SETBP1: variants seen among roughly 807,000 people sequenced by gnomAD.
SETBP1 encodes the protein SET binding protein 1, also known as SET-binding protein.
In SETBP1, 9 loss-of-function variants were observed where a neutral mutation model predicts 101.0. That is an observed-to-expected ratio of 0.09 (90% CI 0.05 to 0.16). The LOEUF is 0.16. Among genes scored for constraint, SETBP1 ranks in the 10% least tolerant of loss-of-function variants. The pLI, the probability that SETBP1 is intolerant of heterozygous loss-of-function variation, is 1.00. For synonymous variants in SETBP1, 818 were observed against 788.5 expected, an observed-to-expected ratio of 1.04 and a Z score of -0.63; for missense variants, 1,858 against 2,033.8, an observed-to-expected ratio of 0.91 and a Z score of 1.66.
intron 4 of SETBP1, among the ~76,000 whole-genome samples, chr18:44,992,137 T>A (rs1434408484): frequency 6.6e-6 from 1 of 151,988 alleles, no homozygotes; most frequent in African/African-American, 2.4e-5. Context: ...GTTTAAAGAT[T>A]TACATTAGGA....
At chr18:44,959,907 G>A (rs1364380046) in intron 4 of SETBP1, among the ~76,000 whole-genome samples, 1 of 152,128 alleles carries the variant, frequency 6.6e-6, no homozygotes, top group East Asian at 1.9e-4. Context: ...AGCATGCATA[G>A]TGCAGTTTTT....
intron 2 of SETBP1, among the ~76,000 whole-genome samples, chr18:44,776,222 T>G (rs929632165): frequency 6.6e-6 from 1 of 151,930 alleles, no homozygotes. Context: ...GGTATTTTCT[T>G]CCCCCCACCT....
In SETBP1 at chr18:44,950,171, G is replaced by A. The variant is rs1002734293; in HGVS notation, c.831G>A (p.Leu277=). The A allele has an allele frequency of 3.7e-6, 6 of 1,613,764 alleles. No homozygotes were observed. The highest frequency in any genetic ancestry group is 5.1e-6 in the Non-Finnish European group (6 of 1,180,056). ...GTGCAGGGAACACGTGGAGTCAGTT[G>A]TCTAACAATAACAAAGATCTGCTCT... The part of the protein sequence containing the change: ...KGSAGNTWSQ[L]SNNNKDLLLG... Residue 277 remains leucine, a synonymous_variant, in exon 4 of 6, where the codon TTG becomes TTA. Coordinates refer to ENST00000649279, the MANE Select transcript of SETBP1 (RefSeq NM_015559.3).
chr18:44,809,966 C>T (rs2071826702), intron 2 of SETBP1, among the ~76,000 whole-genome samples: 1 of 152,196 alleles, frequency 6.6e-6, no homozygotes, highest in Non-Finnish European at 1.5e-5. Flanking sequence ...ATCCCATCTG[C>T]CCTGCAAAAG....
chr18:45,046,636 A>G (rs138119097), intron 5 of SETBP1, among the ~76,000 whole-genome samples: 90 of 152,346 alleles, frequency 5.9e-4, no homozygotes, highest in African/African-American at 2.1e-3. Context: ...ATTCAATGGA[A>G]AACGGGAGAG....
chr18:44,940,922 C>T (rs377050962), intron 3 of SETBP1, among the ~76,000 whole-genome samples: 30 of 151,992 alleles, frequency 2.0e-4, no homozygotes, highest in African/African-American at 6.8e-4. Flanking sequence ...TGAATTCCCT[C>T]GGTTTTTATT....
At chr18:44,976,689 C>G (rs2071995924) in intron 4 of SETBP1, among the ~76,000 whole-genome samples, 1 of 152,210 alleles carries the variant, frequency 6.6e-6, no homozygotes, top group Admixed American at 6.5e-5. Flanking sequence ...GATCCCAGCT[C>G]TGTCACTCAC....
At chr18:44,933,684 C>T (rs12956872) in intron 3 of SETBP1, among the ~76,000 whole-genome samples, 1 of 152,212 alleles carries the variant, frequency 6.6e-6, no homozygotes, top group African/African-American at 2.4e-5. Context: ...TGCAGCCTTG[C>T]AGTTTGATCT....
intron 2 of SETBP1, among the ~76,000 whole-genome samples, chr18:44,829,241 TG>T (rs1477399228): frequency 1.9e-4 from 29 of 152,332 alleles, no homozygotes; most frequent in Middle Eastern, 3.4e-3. Flanking sequence ...ACTTGGTTGT[TG>T]GTGTACCTTC....
At chr18:44,850,305 A>G (rs2072822775) in intron 2 of SETBP1, among the ~76,000 whole-genome samples, 2 of 152,182 alleles carry the variant, frequency 1.3e-5, no homozygotes, top group African/African-American at 4.8e-5. Context: ...CCCACCCAGC[A>G]TTGACATGCA....
At chr18:45,038,340 T>A in intron 4 of SETBP1, 145 bp from the exon 5 acceptor site, 1 of 819,042 alleles carries the variant, frequency 1.2e-6, no homozygotes, top group East Asian at 2.6e-5. Flanking sequence ...TTTTCTCTTT[T>A]AGCATTTTTA....
intron 2 of SETBP1, among the ~76,000 whole-genome samples, chr18:44,854,344 T>C (rs2072931120): frequency 6.6e-6 from 1 of 152,192 alleles, no homozygotes; most frequent in Admixed American, 6.5e-5. Flanking sequence ...TTTACTCAGG[T>C]ACATCTTGAA....
chr18:45,052,513 G>A (rs946328005), intron 5 of SETBP1, among the ~76,000 whole-genome samples: 44 of 152,190 alleles, frequency 2.9e-4, no homozygotes, highest in African/African-American at 1.0e-3. Context: ...CAGAAGAGTT[G>A]CCTCTGGATA....
intron 2 of SETBP1, among the ~76,000 whole-genome samples, chr18:44,777,269 T>G (rs1305495990): frequency 6.6e-6 from 1 of 152,160 alleles, no homozygotes; most frequent in Non-Finnish European, 1.5e-5. Flanking sequence ...CTGGTCAACA[T>G]AGCATAACTC....
At chr18:45,036,332 CAA>C (rs370732298) in intron 4 of SETBP1, among the ~76,000 whole-genome samples, 177 of 97,262 alleles carry the variant, frequency 1.8e-3, no homozygotes, top group Middle Eastern at 0.011. Context: ...GACTCTGTCT[CAA>C]AAAAAAAAAA....
intron 4 of SETBP1, among the ~76,000 whole-genome samples, chr18:44,962,236 C>G (rs922225069): frequency 6.6e-6 from 1 of 152,126 alleles, no homozygotes; most frequent in South Asian, 2.1e-4. Flanking sequence ...CAAAGTCTTG[C>G]GGCAGAAGCT....
chr18:44,947,240 G>C (rs1008993643), intron 3 of SETBP1, among the ~76,000 whole-genome samples: 1 of 152,236 alleles, frequency 6.6e-6, no homozygotes, highest in South Asian at 2.1e-4. Context: ...CCCTGGGATT[G>C]AGCTGAAGCC....
chr18:44,856,325 G>C (rs1000665867), intron 2 of SETBP1, among the ~76,000 whole-genome samples: 8 of 152,174 alleles, frequency 5.3e-5, no homozygotes, highest in Non-Finnish European at 1.0e-4. Context: ...TTGGAGGAAG[G>C]CTGGTCTGGA....
chr18:44,924,517 ATTAT>A (rs1310077839), intron 3 of SETBP1, among the ~76,000 whole-genome samples: 2 of 152,114 alleles, frequency 1.3e-5, no homozygotes, highest in East Asian at 3.9e-4. Flanking sequence ...TAGCCACTTT[ATTAT>A]TTATTATATT....
Sources: allele counts gnomAD v4.1 joint callset (sites outside exome capture counted in the v4.1 genomes callset), GRCh38; gene constraint gnomAD v4.1.1; transcripts MANE v1.5; gene names NCBI Gene and HGNC (gene_info 2026-07-23, HGNC 2026-07-21).